The following ADGRL3 variants were observed in gnomAD, a reference collection of about 807,000 sequenced individuals.
The protein encoded by ADGRL3 is adhesion G protein-coupled receptor L3.
ADGRL3 carries 62 observed loss-of-function variants against 153.5 expected under a neutral mutation model. That is an observed-to-expected ratio of 0.40 (90% CI 0.33 to 0.50). The LOEUF (loss-of-function observed/expected upper bound fraction) is 0.50. Ranked by LOEUF, ADGRL3 falls within the 20% of genes least tolerant of loss-of-function variation. ADGRL3 has a pLI of 0.47. For synonymous variants in ADGRL3, 710 were observed against 672.5 expected (o/e 1.06, Z -0.86); for missense variants, 1,641 against 1,859.4 (o/e 0.88, Z 2.16).
intron 1 of ADGRL3, among the ~76,000 whole-genome samples, chr4:61,349,907 T>C (rs754322221): frequency 1.3e-5 from 2 of 152,180 alleles, no homozygotes; most frequent in Non-Finnish European, 2.9e-5. Flanking sequence ...TTGATCTTAT[T>C]TGGTTTTCAG....
At chr4:61,415,558 G>T (rs2097135491) in intron 2 of ADGRL3, among the ~76,000 whole-genome samples, 1 of 151,974 alleles carries the variant, frequency 6.6e-6, no homozygotes, top group Admixed American at 6.6e-5. Context: ...TGAAGTGCTG[G>T]TTTTTAAAAT....
chr4:61,872,014 G>A (rs1317268606), intron 9 of ADGRL3, among the ~76,000 whole-genome samples: 1 of 151,972 alleles, frequency 6.6e-6, no homozygotes, highest in Non-Finnish European at 1.5e-5. Context: ...CATATTTATT[G>A]TCTACTTCCT....
chr4:61,594,398 A>G (rs1165978577), intron 5 of ADGRL3, among the ~76,000 whole-genome samples: 1 of 152,040 alleles, frequency 6.6e-6, no homozygotes, highest in Non-Finnish European at 1.5e-5. Context: ...AAAGAGGTAG[A>G]TATTTATTGT....
intron 2 of ADGRL3, among the ~76,000 whole-genome samples, chr4:61,475,876 A>C (rs182335997): frequency 2.1e-5 from 3 of 144,196 alleles, no homozygotes; most frequent in African/African-American, 7.7e-5. Context: ...TGATGAACAA[A>C]TAAAGATAGC....
At chr4:61,981,509 G>A (rs758691238) in intron 18 of ADGRL3, among the ~76,000 whole-genome samples, 52 of 149,642 alleles carry the variant, frequency 3.5e-4, no homozygotes, top group Non-Finnish European at 6.8e-4. Context: ...GTCATATCAA[G>A]GAAAGGAGGA....
intron 8 of ADGRL3, among the ~76,000 whole-genome samples, chr4:61,786,701 A>G (rs1036571137): frequency 2.6e-5 from 4 of 152,218 alleles, no homozygotes; most frequent in African/African-American, 7.2e-5. Flanking sequence ...CTCTTACCCC[A>G]TAGATGAGCT....
chr4:61,811,909 C>G (rs375697190), intron 8 of ADGRL3, among the ~76,000 whole-genome samples: 2 of 151,924 alleles, frequency 1.3e-5, no homozygotes, highest in Non-Finnish European at 2.9e-5. Flanking sequence ...ATACAGAAAA[C>G]CAATATTATT....
At chr4:61,766,603 A>C (rs1009821708) in intron 8 of ADGRL3, among the ~76,000 whole-genome samples, 10 of 152,038 alleles carry the variant, frequency 6.6e-5, no homozygotes, top group African/African-American at 2.4e-4. Flanking sequence ...TTATGCCAAG[A>C]TAGGTAACAG....
At chr4:61,480,547 A>G (rs777803978) in intron 2 of ADGRL3, among the ~76,000 whole-genome samples, 12 of 152,280 alleles carry the variant, frequency 7.9e-5, no homozygotes, top group Admixed American at 4.6e-4. Context: ...GCACTTTGGG[A>G]GGCCGAGGCA....
intron 1 of ADGRL3, among the ~76,000 whole-genome samples, chr4:61,362,158 A>G (rs2096293415): frequency 6.6e-6 from 1 of 150,804 alleles, no homozygotes; most frequent in Non-Finnish European, 1.5e-5. Flanking sequence ...CTGCACCACC[A>G]CGCCTGACTA....
At chr4:61,679,680 TGA>T (rs1484646936) in intron 6 of ADGRL3, among the ~76,000 whole-genome samples, 2 of 152,076 alleles carry the variant, frequency 1.3e-5, no homozygotes, top group African/African-American at 2.4e-5. Context: ...ACCATTTTTC[TGA>T]AGAGGAAACT....
chr4:61,458,605 A>G (rs998448035), intron 2 of ADGRL3, among the ~76,000 whole-genome samples: 4 of 151,606 alleles, frequency 2.6e-5, no homozygotes, highest in Admixed American at 2.6e-4. Context: ...TGACTCCCAG[A>G]TATCAACTTA....
intron 4 of ADGRL3, among the ~76,000 whole-genome samples, chr4:61,582,068 T>C (rs1482237752): frequency 1.3e-5 from 2 of 152,060 alleles, no homozygotes; most frequent in Non-Finnish European, 2.9e-5. Context: ...AATATAAATA[T>C]AAGCCATTTT....
At chr4:61,931,419 G>C (rs551829662) in intron 13 of ADGRL3, among the ~76,000 whole-genome samples, 87 of 152,256 alleles carry the variant, frequency 5.7e-4, no homozygotes, top group African/African-American at 2.0e-3. Flanking sequence ...GTTGCAACTT[G>C]AGCACTTGTT....
At chr4:61,813,952 G>A in intron 9 of ADGRL3, 63 bp downstream of exon 9, 1 of 1,586,308 alleles carries the variant, frequency 6.3e-7, no homozygotes, top group South Asian at 1.1e-5. Flanking sequence ...AGCAATGATG[G>A]TTGTACATAT....
chr4:61,844,266 G>A (rs1447156694), intron 9 of ADGRL3, among the ~76,000 whole-genome samples: 2 of 151,168 alleles, frequency 1.3e-5, no homozygotes, highest in African/African-American at 2.4e-5. Context: ...GTCTATAGAT[G>A]GCCAGGCGCG....
intron 2 of ADGRL3, among the ~76,000 whole-genome samples, chr4:61,442,816 TTTA>T (rs1409689815): frequency 2.6e-5 from 4 of 152,158 alleles, no homozygotes; most frequent in Non-Finnish European, 5.9e-5. Flanking sequence ...TAATTTATAC[TTTA>T]AAAACCCCAG....
intron 8 of ADGRL3, among the ~76,000 whole-genome samples, chr4:61,743,476 G>A (rs546002809): frequency 1.3e-4 from 20 of 152,106 alleles, no homozygotes; most frequent in Non-Finnish European, 1.2e-4. Context: ...TGTCTTTGAA[G>A]AAACTTTTGC....
rs183995022 is a variant in ADGRL3 at position 61,397,891 on chromosome 4, A to G, written c.-174+14702A>G. Among the ~76,000 whole-genome samples the G allele has an allele frequency of 6.3e-3, 954 of 152,042 alleles. 12 individuals are homozygous for G. Among genetic ancestry groups the G allele is most frequent in the African/African-American group, 0.021 (892 of 41,536 alleles). On this transcript the variant is annotated intron_variant, in intron 2 of 26. Coordinates refer to ENST00000683033, the MANE Select transcript of ADGRL3 (RefSeq NM_001387552.1). ...GGAATGTATAGCTGTTGAAAATATAATGGGTAAATAATAAAGTGGTCATTG... is the reference window on the plus strand; with the variant it reads ...GGAATGTATAGCTGTTGAAAATATAGTGGGTAAATAATAAAGTGGTCATTG...
Sources: allele counts gnomAD v4.1 joint callset (sites outside exome capture counted in the v4.1 genomes callset), GRCh38; gene constraint gnomAD v4.1.1; transcripts MANE v1.5; gene names NCBI Gene and HGNC (gene_info 2026-07-23, HGNC 2026-07-21).